Variants in PPM1L observed in about 807,000 individuals in gnomAD.
PPM1L encodes protein phosphatase, Mg2+/Mn2+ dependent 1L.
In PPM1L, 13 loss-of-function variants were observed where a neutral mutation model predicts 31.4. The observed-to-expected ratio is 0.41, with a 90% CI of 0.27 to 0.66. The LOEUF is 0.66. Among genes scored for constraint, PPM1L ranks in the 30% least tolerant of loss-of-function variants. The pLI is 0.29. For missense variants in PPM1L, 326 were observed against 453.7 expected, an observed-to-expected ratio of 0.72 and a Z score of 2.56; for synonymous variants, 184 against 175.4, an observed-to-expected ratio of 1.05 and a Z score of -0.39.
intron 1 of PPM1L, among the ~76,000 whole-genome samples, chr3:160,947,607 C>T (rs1233414753): frequency 6.6e-6 from 1 of 152,052 alleles, no homozygotes; most frequent in Non-Finnish European, 1.5e-5. Context: ...CCCACTAGAC[C>T]ATAAGCACCA....
chr3:160,827,678 C>G (rs1713398142), intron 1 of PPM1L, among the ~76,000 whole-genome samples: 1 of 151,660 alleles, frequency 6.6e-6, no homozygotes, highest in African/African-American at 2.4e-5. Context: ...TTTATGCAGG[C>G]CTCTGCATAC....
intron 1 of PPM1L, among the ~76,000 whole-genome samples, chr3:160,947,180 C>T (rs946956004): frequency 2.0e-5 from 3 of 152,118 alleles, no homozygotes; most frequent in Non-Finnish European, 4.4e-5. Flanking sequence ...AAAAGAAATT[C>T]GGAAACTAAT....
intron 1 of PPM1L, among the ~76,000 whole-genome samples, chr3:160,758,606 AT>A (rs982906619): frequency 1.2e-4 from 18 of 151,330 alleles, no homozygotes; most frequent in Non-Finnish European, 2.2e-4. Context: ...GGGTGATTTA[AT>A]TTTTTTTTCT....
chr3:160,961,712 T>G (rs767341949), intron 1 of PPM1L, 24 bp from the exon 2 acceptor site: 1 of 1,558,170 alleles, frequency 6.4e-7, no homozygotes, highest in South Asian at 1.3e-5. Context: ...TGGAGTTCTC[T>G]CTCTCTGACT....
intron 2 of PPM1L, among the ~76,000 whole-genome samples, chr3:161,046,618 C>T (rs1719083583): frequency 6.6e-6 from 1 of 152,100 alleles, no homozygotes; most frequent in African/African-American, 2.4e-5. Context: ...ATACCAAAGC[C>T]GGGCAGAGAC....
chr3:160,829,480 G>T (rs1713455315), intron 1 of PPM1L, among the ~76,000 whole-genome samples: 1 of 152,098 alleles, frequency 6.6e-6, no homozygotes, highest in Admixed American at 6.6e-5. Flanking sequence ...GCAAAACTGT[G>T]GTTAAGGAGG....
intron 1 of PPM1L, among the ~76,000 whole-genome samples, chr3:160,776,335 G>C (rs1711557792): frequency 1.3e-5 from 2 of 152,088 alleles, no homozygotes; most frequent in African/African-American, 4.8e-5. Context: ...GTGTGTGTGT[G>C]TATGTGTGTT....
chr3:160,766,966 C>T (rs1715117770), intron 1 of PPM1L, among the ~76,000 whole-genome samples: 1 of 148,180 alleles, frequency 6.7e-6, no homozygotes, highest in Non-Finnish European at 1.5e-5. Flanking sequence ...CCATTGCATA[C>T]CATAGTGCAA....
chr3:160,833,093 A>G (rs1287123384), intron 1 of PPM1L, among the ~76,000 whole-genome samples: 1 of 152,240 alleles, frequency 6.6e-6, no homozygotes, highest in African/African-American at 2.4e-5. Flanking sequence ...TGCAAAGGAC[A>G]TTATCTCATT....
chr3:160,867,852 C>T (rs1712150254), intron 1 of PPM1L, among the ~76,000 whole-genome samples: 1 of 152,000 alleles, frequency 6.6e-6, no homozygotes. Context: ...CAGCTGAATT[C>T]CAGGACAGAC....
intron 1 of PPM1L, among the ~76,000 whole-genome samples, chr3:160,889,438 A>G (rs1007743150): frequency 2.6e-5 from 4 of 152,224 alleles, no homozygotes; most frequent in African/African-American, 7.2e-5. Context: ...CACCCTCCCA[A>G]GACTAAGTCA....
chr3:161,007,947 G>C (rs1441055992), intron 2 of PPM1L, among the ~76,000 whole-genome samples: 2 of 152,064 alleles, frequency 1.3e-5, no homozygotes, highest in Non-Finnish European at 2.9e-5. Flanking sequence ...GTATTGTCGG[G>C]GCTCAAAAAT....
At chr3:161,029,614 A>G (rs1327520982) in intron 2 of PPM1L, among the ~76,000 whole-genome samples, 2 of 152,208 alleles carry the variant, frequency 1.3e-5, no homozygotes, top group Non-Finnish European at 2.9e-5. Context: ...ATTCTTATTA[A>G]TAGTTTCCAA....
At chr3:160,757,786 C>G (rs1714854236) in intron 1 of PPM1L, among the ~76,000 whole-genome samples, 1 of 152,314 alleles carries the variant, frequency 6.6e-6, no homozygotes, top group African/African-American at 2.4e-5. Context: ...GATTACACCC[C>G]TCCCCCGAAC....
At chr3:160,883,652 TC>T (rs974984977) in intron 1 of PPM1L, among the ~76,000 whole-genome samples, 2 of 151,882 alleles carry the variant, frequency 1.3e-5, no homozygotes, top group Non-Finnish European at 2.9e-5. Flanking sequence ...CCTTTTTGTT[TC>T]CATAGGATGT....
chr3:160,873,950 C>T (rs1712410010), intron 1 of PPM1L, among the ~76,000 whole-genome samples: 1 of 152,186 alleles, frequency 6.6e-6, no homozygotes, highest in Admixed American at 6.5e-5. Flanking sequence ...CCTTTGCTGA[C>T]AGAAAATGGT....
chr3:160,823,515 A>G lies in PPM1L; in HGVS notation c.399+66808A>G, dbSNP rs74953736. ...GGCATGAACCACTATGCCCGGCCTA[A>G]ATGATTATGTTTATACTTTTAATTT... On this transcript the variant is annotated intron_variant, in intron 1 of 3. Coordinates refer to ENST00000498165, the MANE Select transcript of PPM1L (RefSeq NM_139245.4). Among the ~76,000 whole-genome samples the G allele has an allele frequency of 2.3e-4, 35 of 152,074 alleles. No homozygotes were observed. In the East Asian group the frequency reaches 6.4e-3, roughly 28 times the overall value.
Position 160,833,890 on chromosome 3 carries a change from G to A in PPM1L, c.399+77183G>A, listed in dbSNP as rs377044467. 2.4e-4 allele frequency among the ~76,000 whole-genome samples: 36 copies of A among 151,730 alleles called. No individual in the cohort carries two copies. The East Asian group carries it at 4.9e-3, about 20-fold the overall frequency. On this transcript the variant is annotated intron_variant, in intron 1 of 3. Coordinates refer to ENST00000498165, the MANE Select transcript of PPM1L (RefSeq NM_139245.4). ...TGGTATTGCCCAGATTTTCTTCTAG[G>A]GTTTTTATAGTTTTGGGATTTATAC...
rs190053485 is a variant in PPM1L, at chr3:160,872,697, C to T, written c.400-89039C>T. Among the ~76,000 whole-genome samples the T allele has an allele frequency of 2.2e-3, 331 of 152,128 alleles. 1 individual carries two copies. Among genetic ancestry groups the T allele is most frequent in the African/African-American group, 7.6e-3 (317 of 41,528 alleles). On this transcript the variant is annotated intron_variant, in intron 1 of 3. Transcript: ENST00000498165. ...ATCCCAGCACTTTGGGAGGCTGAGG[C>T]GGGTGGATCATGAGGTCAGGAGTTC... is the stretch of plus-strand genomic sequence containing the variant.
Sources: gnomAD v4.1 joint callset for allele counts (sites outside exome capture counted in the v4.1 genomes callset) on GRCh38, gnomAD v4.1.1 for gene constraint, MANE v1.5 for transcripts, NCBI Gene and HGNC (gene_info 2026-07-23, HGNC 2026-07-21) for gene names.